Variants in DNAH8 observed in about 807,000 individuals in gnomAD.
The protein encoded by DNAH8 is axonemal beta dynein heavy chain 8.
DNAH8 carries 382 observed loss-of-function variants against 562.1 expected under a neutral mutation model. The ratio of observed to expected loss-of-function variants is 0.68; its 90% CI spans 0.63 to 0.74. The LOEUF (loss-of-function observed/expected upper bound fraction) is 0.74. DNAH8 is among the 30% of genes least tolerant of loss of function. The pLI is 0.00. For synonymous variants in DNAH8, 1,881 were observed against 1,919.4 expected, an observed-to-expected ratio of 0.98 and a Z score of 0.52; for missense variants, 5,203 against 5,620.4, an observed-to-expected ratio of 0.93 and a Z score of 2.37.
chr6:38,716,769 G>C (rs1762378297), intron 1 of DNAH8: 1 of 152,212 alleles, frequency 6.6e-6, no homozygotes, highest in East Asian at 1.9e-4. Context: ...ATTTGGGATA[G>C]GGTTACAGAA....
chr6:38,727,018 C>T (rs561010082), intron 3 of DNAH8, among the ~76,000 whole-genome samples: 5 of 151,824 alleles, frequency 3.3e-5, no homozygotes, highest in South Asian at 2.1e-4. Context: ...CCACCACACC[C>T]GGCTAATTTT....
intron 37 of DNAH8, 45 bp from the exon 38 acceptor site, chr6:38,850,206 A>G: frequency 3.2e-6 from 5 of 1,575,760 alleles, no homozygotes; most frequent in Non-Finnish European, 4.3e-6. Flanking sequence ...GCTTTTTTTC[A>G]ATTATCCAAA....
intron 21 of DNAH8, among the ~76,000 whole-genome samples, chr6:38,794,692 T>C (rs1391016565): frequency 6.6e-6 from 1 of 152,238 alleles, no homozygotes; most frequent in African/African-American, 2.4e-5. Flanking sequence ...TTTTGCTCAG[T>C]GTTATATGTA....
intron 28 of DNAH8, among the ~76,000 whole-genome samples, chr6:38,824,514 G>A (rs540753114): frequency 2.0e-5 from 3 of 152,254 alleles, no homozygotes; most frequent in African/African-American, 7.2e-5. Flanking sequence ...TGTTACCATG[G>A]TTACATAACA....
In DNAH8 at chr6:38,951,497, CATT is replaced by C. The variant is rs779774824; in HGVS notation, c.12429_12431del (p.Leu4144del). 3 of 1,613,956 alleles carry C rather than the reference CATT, an allele frequency of 1.9e-6. No homozygotes were observed. In the East Asian group the frequency reaches 6.7e-5, roughly 36 times the overall value. The stretch of plus-strand genomic sequence containing the variant: ...TCTGACCCCACCAATCAAATTGATG[CATT>C]GGCCAAGAAACTGAAACTGGGTAAG... On this transcript the variant is annotated inframe_deletion, in exon 82 of 93. Coordinates refer to ENST00000327475, the MANE Select transcript of DNAH8 (RefSeq NM_001206927.2).
intron 82 of DNAH8, among the ~76,000 whole-genome samples, chr6:38,953,908 G>A (rs1268789392): frequency 1.3e-5 from 2 of 151,140 alleles, no homozygotes; most frequent in Non-Finnish European, 2.9e-5. Context: ...GACCTAGTCC[G>A]TGGCAGATCT....
At chr6:38,981,804 CA>C (rs1294646547) in intron 85 of DNAH8, among the ~76,000 whole-genome samples, 2 of 152,148 alleles carry the variant, frequency 1.3e-5, no homozygotes, top group Non-Finnish European at 2.9e-5. Context: ...TCCAACTTGG[CA>C]AATCTTTGGA....
At chr6:38,863,825 G>T in intron 44 of DNAH8, 48 bp from the exon 45 acceptor site, 1 of 1,437,600 alleles carries the variant, frequency 7.0e-7, no homozygotes, top group Non-Finnish European at 9.4e-7. Context: ...TTATCAAGAA[G>T]GTATATTATA....
At chr6:38,902,906 CAT>C (rs1399051643) in intron 62 of DNAH8, among the ~76,000 whole-genome samples, 1 of 152,184 alleles carries the variant, frequency 6.6e-6, no homozygotes, top group Admixed American at 6.5e-5. Context: ...CAACAGACAA[CAT>C]ATATGATGGT....
chr6:38,918,077 C>G lies in DNAH8; in HGVS notation c.10461C>G (p.Leu3487=), dbSNP rs1235436768. Residue 3487 remains leucine, a synonymous_variant, in exon 70 of 93, where the codon CTC becomes CTG. Coordinates refer to ENST00000327475, the MANE Select transcript of DNAH8 (RefSeq NM_001206927.2). ...AKKVCGNVAG[L]LSWTLAMAIF... is the part of the protein sequence containing the mutation. ...AAGTCTGTGGGAATGTGGCTGGTCT[C>G]CTGTCTTGGACACTTGCTATGGCAA... The G allele has an allele frequency of 6.2e-7, 1 of 1,613,812 alleles. No individual in the cohort carries two copies. The highest frequency in any genetic ancestry group is 1.1e-5 in the South Asian group (1 of 91,052).
At chr6:38,987,421 G>A (rs780083872) in intron 87 of DNAH8, among the ~76,000 whole-genome samples, 4 of 152,136 alleles carry the variant, frequency 2.6e-5, no homozygotes, top group Non-Finnish European at 5.9e-5. Context: ...CTGGGCCTGG[G>A]ATGTGCAGAC....
intron 79 of DNAH8, among the ~76,000 whole-genome samples, 190 bp downstream of exon 79, chr6:38,939,178 C>A (rs1029153253): frequency 4.5e-4 from 69 of 152,196 alleles, no homozygotes; most frequent in Admixed American, 5.2e-4. Flanking sequence ...AGATTCAGGC[C>A]TGTGCCAACT....
rs1433394125 is a variant in DNAH8 at position 38,973,652 on chromosome 6, T to C, written c.12526-9T>C. On this transcript the variant is annotated splice_polypyrimidine_tract_variant and intron_variant, in intron 83 of 92. Coordinates refer to ENST00000327475, the MANE Select transcript of DNAH8 (RefSeq NM_001206927.2). Reference sequence around the variant, plus strand: ...CAAGAAATAAATATGAACTTATTTTTGGATACAGGGTGGTTGGGTATTACT... The same window carrying C: ...CAAGAAATAAATATGAACTTATTTTCGGATACAGGGTGGTTGGGTATTACT... 1 of 1,556,364 alleles carries C rather than the reference T, an allele frequency of 6.4e-7. No individual in the cohort carries two copies. Among genetic ancestry groups the C allele is most frequent in the Non-Finnish European group, 8.6e-7 (1 of 1,157,968 alleles).
chr6:38,774,957 G>T (rs1767920913), intron 12 of DNAH8, among the ~76,000 whole-genome samples: 1 of 152,202 alleles, frequency 6.6e-6, no homozygotes, highest in Admixed American at 6.5e-5. Context: ...TAGTCCTTCT[G>T]GGTGGCCATA....
rs762444244 is a variant in DNAH8, at chr6:38,923,142, C to T, written c.10747C>T (p.Arg3583Trp). ...CGATGGGCTGAGTGGAGAAAAAATC[C>T]GGTGGACCCAGCAAAGTAAAGAATT... ...LIDGLSGEKI[R>W]WTQQSKEFKA... The change falls in exon 72 of 93, where the codon CGG becomes TGG. Residue 3583 changes from arginine to tryptophan, a missense_variant. This residue lies in a region of DNAH8 where 1,399 missense variants were observed against 1,518.4 expected (regional missense o/e 0.92). Transcript: ENST00000327475. The T allele has an allele frequency of 1.9e-6, 3 of 1,613,578 alleles. No individual in the cohort carries two copies. The highest frequency in any genetic ancestry group is 2.2e-5 in the East Asian group (1 of 44,816).
chr6:38,788,276 C>T (rs12193813), intron 18 of DNAH8, among the ~76,000 whole-genome samples: 22,540 of 151,860 alleles, frequency 0.15, 2,019 homozygotes, highest in Non-Finnish European at 0.2. Flanking sequence ...TTCAGCCTCC[C>T]GAATAGCTGG....
intron 30 of DNAH8, among the ~76,000 whole-genome samples, chr6:38,831,430 C>CAAAAA (rs67322321): frequency 1.8e-4 from 16 of 88,970 alleles, no homozygotes; most frequent in East Asian, 3.6e-4. Context: ...GACACCATCT[C>CAAAAA]AAAAAAAAAA....
intron 1 of DNAH8, among the ~76,000 whole-genome samples, chr6:38,715,950 A>ATTTTTTTT (rs70981580): frequency 1.6e-4 from 5 of 31,234 alleles, no homozygotes; most frequent in African/African-American, 5.5e-4. Context: ...ATATATATAT[A>ATTTTTTTT]TATATATATA....
At chr6:38,878,905 G>C (rs940980540) in intron 53 of DNAH8, among the ~76,000 whole-genome samples, 2 of 151,996 alleles carry the variant, frequency 1.3e-5, no homozygotes, top group Non-Finnish European at 2.9e-5. Flanking sequence ...ATGTTAATTC[G>C]CTTGTAATAA....
Sources: gnomAD v4.1 joint callset for allele counts (sites outside exome capture counted in the v4.1 genomes callset) on GRCh38, gnomAD v4.1.1 for gene constraint, gnomAD v4.1.1 regional missense constraint, MANE v1.5 for transcripts, NCBI Gene and HGNC (gene_info 2026-07-23, HGNC 2026-07-21) for gene names.